Variants in HYAL4 observed in about 807,000 individuals in gnomAD.
The protein encoded by HYAL4 is hyaluronidase 4, also known as hyaluronidase-4.
Under a neutral mutation model 35.2 loss-of-function variants are expected in HYAL4, and 37 were observed. That is an observed-to-expected ratio of 1.05 (90% confidence interval 0.81 to 1.38). The LOEUF is 1.38. Ranked by LOEUF, HYAL4 falls within the 40% of genes most tolerant of loss-of-function variation. The pLI is 0.00. For synonymous variants in HYAL4, 198 were observed against 203.2 expected, an observed-to-expected ratio of 0.97 and a Z score of 0.22; for missense variants, 572 against 572.4, an observed-to-expected ratio of 1.00 and a Z score of 0.01.
chr7:123,828,053 T>C (rs1338022181), upstream of HYAL4, among the ~76,000 whole-genome samples: 1 of 152,140 alleles, frequency 6.6e-6, no homozygotes, highest in Non-Finnish European at 1.5e-5. Context: ...ATCATTAATC[T>C]GTAGAAATGT....
At chr7:123,833,777 G>A (rs1233733144) in intron 1 of HYAL4, among the ~76,000 whole-genome samples, 3 of 152,088 alleles carry the variant, frequency 2.0e-5, no homozygotes. Flanking sequence ...TGAGGGATGA[G>A]GGTACAGTTT....
At chr7:123,825,884 C>T (rs543415795), upstream of HYAL4, among the ~76,000 whole-genome samples, 6 of 151,800 alleles carry the variant, frequency 4.0e-5, 1 homozygote, top group South Asian at 1.2e-3. Flanking sequence ...AGATTGCTTT[C>T]TAAAAAATTA....
chr7:123,864,844 C>T (rs1806650113), intron 2 of HYAL4, among the ~76,000 whole-genome samples: 1 of 151,552 alleles, frequency 6.6e-6, no homozygotes, highest in Admixed American at 6.6e-5. Context: ...CACACCAGTG[C>T]CCTGACCTGG....
the HYAL4 span, chr7:123,814,766 G>A: frequency 3.9e-5 from 6 of 152,414 alleles, no homozygotes. Flanking sequence ...TCTCTATCCA[G>A]ACTGCTACAA....
At chr7:123,824,043 T>G (rs1033925970), upstream of HYAL4, among the ~76,000 whole-genome samples, 1 of 152,094 alleles carries the variant, frequency 6.6e-6, no homozygotes, top group Admixed American at 6.6e-5. Flanking sequence ...GTGACACAAG[T>G]TAGGATGTCA....
chr7:123,773,016 GTTTTCT>G, the HYAL4 span, among the ~76,000 whole-genome samples: 1,019 of 152,170 alleles, frequency 6.7e-3, 12 homozygotes, highest in African/African-American at 0.024. Context: ...GTCTTGATTT[GTTTTCT>G]TTTTCTTTTT....
chr7:123,866,454 A>T (rs1188920805), intron 2 of HYAL4, among the ~76,000 whole-genome samples: 1 of 152,168 alleles, frequency 6.6e-6, no homozygotes, highest in African/African-American at 2.4e-5. Flanking sequence ...ATTTTGGCTT[A>T]TTTAATGAAA....
chr7:123,807,994 C>T, the HYAL4 span, among the ~76,000 whole-genome samples: 1 of 149,608 alleles, frequency 6.7e-6, no homozygotes, highest in Non-Finnish European at 1.5e-5. Flanking sequence ...AGGATGGTCT[C>T]AACTTCTTGG....
chr7:123,765,721 A>G, the HYAL4 span, among the ~76,000 whole-genome samples: 1 of 152,172 alleles, frequency 6.6e-6, no homozygotes, highest in Non-Finnish European at 1.5e-5. Flanking sequence ...CATTTCAACT[A>G]ATCTACTACC....
chr7:123,842,933 G>A (rs575315118), upstream of HYAL4, among the ~76,000 whole-genome samples: 2 of 151,998 alleles, frequency 1.3e-5, no homozygotes, highest in Admixed American at 6.6e-5. Context: ...GCATACTGAT[G>A]GGTCTTGACT....
At chr7:123,800,859 C>T in the HYAL4 span, among the ~76,000 whole-genome samples, 2 of 151,782 alleles carry the variant, frequency 1.3e-5, no homozygotes, top group African/African-American at 4.8e-5. Flanking sequence ...CGGGGTTTTA[C>T]CATGTTGCCC....
chr7:123,853,641 G>A (rs2116933114), intron 2 of HYAL4, among the ~76,000 whole-genome samples: 1 of 152,260 alleles, frequency 6.6e-6, no homozygotes, highest in South Asian at 2.1e-4. Flanking sequence ...GTATTTTATT[G>A]AGAGTTTTTG....
At chr7:123,779,289 A>G in the HYAL4 span, among the ~76,000 whole-genome samples, 5 of 152,172 alleles carry the variant, frequency 3.3e-5, no homozygotes, top group African/African-American at 1.2e-4. Flanking sequence ...AAAGGTTAAG[A>G]ACTATTGTCC....
intron 4 of HYAL4, 83 bp from the exon 5 acceptor site, chr7:123,876,671 C>A: frequency 7.3e-7 from 1 of 1,373,506 alleles, no homozygotes; most frequent in Non-Finnish European, 1.0e-6. Context: ...CTATCAGTAC[C>A]AGCGAGAAAC....
chr7:123,848,729 A>G (rs1293262989), intron 2 of HYAL4, among the ~76,000 whole-genome samples: 2 of 152,212 alleles, frequency 1.3e-5, no homozygotes, highest in African/African-American at 4.8e-5. Context: ...TTAATGAAAC[A>G]TGTTTTTCAT....
chr7:123,822,607 A>G, the HYAL4 span, among the ~76,000 whole-genome samples: 1 of 152,150 alleles, frequency 6.6e-6, no homozygotes, highest in African/African-American at 2.4e-5. Context: ...ATTCAGATTC[A>G]TTTTTATTTC....
the HYAL4 span, among the ~76,000 whole-genome samples, chr7:123,775,090 T>C: frequency 6.6e-6 from 1 of 152,220 alleles, no homozygotes; most frequent in Non-Finnish European, 1.5e-5. Context: ...CTTGATTGAA[T>C]GAGACAACTC....
intron 1 of HYAL4, among the ~76,000 whole-genome samples, chr7:123,837,998 T>C (rs924227446): frequency 1.3e-5 from 2 of 152,168 alleles, no homozygotes; most frequent in Non-Finnish European, 2.9e-5. Context: ...TGTGTCTTTA[T>C]AGCAGCATGA....
chr7:123,809,251 CAA>C, the HYAL4 span, among the ~76,000 whole-genome samples: 2 of 152,188 alleles, frequency 1.3e-5, no homozygotes, highest in Admixed American at 6.5e-5. Context: ...AATCTCCAAT[CAA>C]GAGAATCCCC....
Sources: gnomAD v4.1 joint callset for allele counts (sites outside exome capture counted in the v4.1 genomes callset) on GRCh38, gnomAD v4.1.1 for gene constraint, MANE v1.5 for transcripts, NCBI Gene and HGNC (gene_info 2026-07-23, HGNC 2026-07-21) for gene names.